The following HPSE variants were observed in gnomAD, a reference collection of about 807,000 sequenced individuals.
HPSE encodes heparanase, also known as endo-glucoronidase.
A neutral mutation model predicts 65.1 loss-of-function variants in HPSE; 48 were observed. The observed-to-expected ratio is 0.74, with a 90% CI of 0.58 to 0.94. HPSE has a LOEUF of 0.94. Among genes scored for constraint, HPSE ranks in the 40% least tolerant of loss-of-function variants. The pLI, the probability that HPSE is intolerant of heterozygous loss-of-function variation, is 0.00. For missense variants in HPSE, 644 were observed against 637.5 expected (o/e 1.01, Z -0.11); for synonymous variants, 243 against 260.0 (o/e 0.93, Z 0.63).
chr4:83,295,856 T>G (rs564531709), intron 11 of HPSE, among the ~76,000 whole-genome samples: 1 of 152,190 alleles, frequency 6.6e-6, no homozygotes, highest in East Asian at 1.9e-4. Flanking sequence ...GCTATTTTAT[T>G]TAATGGCCAA....
In HPSE at chr4:83,306,461, G is replaced by A. The variant is rs542813491; in HGVS notation, c.1092-144C>T. ...GACAGGGTCTCACTCTGTCACCCAGGCTGGAGTGCAGTGGCGTGATCATAG... is the reference window on the plus strand; with the variant it reads ...GACAGGGTCTCACTCTGTCACCCAGACTGGAGTGCAGTGGCGTGATCATAG... On this transcript the variant is annotated intron_variant, in intron 8 of 11. Transcript: ENST00000311412. The A allele has an allele frequency of 3.9e-4, 210 of 532,800 alleles. 1 individual carries two copies. The highest frequency in any genetic ancestry group is 3.1e-3 in the African/African-American group (162 of 51,866). 33.0% of individuals were successfully genotyped at this position (532,800 alleles called of 1,614,324 possible). A position where few individuals can be genotyped will look rare whatever the true frequency, so the allele number is the denominator to read the frequency against.
At chr4:83,331,700 G>A (rs1385596925) in intron 1 of HPSE, among the ~76,000 whole-genome samples, 5 of 152,176 alleles carry the variant, frequency 3.3e-5, no homozygotes, top group South Asian at 2.1e-4. Flanking sequence ...CTAGAACCAC[G>A]CCAGTGACTA....
chr4:83,304,481 C>T (rs1363879318), intron 9 of HPSE, among the ~76,000 whole-genome samples: 1 of 152,032 alleles, frequency 6.6e-6, no homozygotes, highest in African/African-American at 2.4e-5. Context: ...ATATACTTTC[C>T]TCTGTATTTT....
rs1383462165 is a variant in HPSE, at chr4:83,334,744, C to T, written c.39G>A (p.Leu13=). 1 of 1,556,394 alleles carries T rather than the reference C, an allele frequency of 6.4e-7. No homozygotes were observed. Among genetic ancestry groups the T allele is most frequent in the South Asian group, 1.2e-5 (1 of 84,514 alleles). Residue 13 remains leucine, a synonymous_variant, in exon 1 of 12, where the codon CTG becomes CTA. Transcript: ENST00000311412. The stretch of plus-strand genomic sequence containing the variant: ...CCAGCGGCCCCAGGAGCAGCAGCAT[C>T]AGCGGCGGCGGCAGCGCAGGCTTCG... ...LRSKPALPPP[L]MLLLLGPLGP...
chr4:83,301,006 C>T lies in HPSE; in HGVS notation c.1426G>A (p.Asp476Asn), dbSNP rs1735926433. ...LPYPFSNKQV[D>N]KYLLRPLGPH... ...CCCAAAGGTCTTAGAAGGTATTTAT[C>T]CACTTGCTTGTTAGAAAAAGGATAG... Residue 476 changes from aspartate to asparagine, a missense_variant, in exon 11 of 12, where the codon GAT (aspartate) becomes AAT (asparagine). Coordinates refer to ENST00000311412, the MANE Select transcript of HPSE (RefSeq NM_001098540.3). 1.9e-6 allele frequency: 3 copies of T among 1,609,218 alleles called. No individual in the cohort carries two copies. Among genetic ancestry groups the T allele is most frequent in the Non-Finnish European group, 2.5e-6 (3 of 1,176,650 alleles).
rs369861975 is a variant in HPSE, at chr4:83,308,958, A to T, written c.985-7T>A. On this transcript the variant is annotated splice_region_variant and splice_polypyrimidine_tract_variant and intron_variant, in intron 7 of 11. Coordinates refer to ENST00000311412, the MANE Select transcript of HPSE (RefSeq NM_001098540.3). ...GCCTGGTGCTCTCAACCACCTATAG[A>T]ACAGAAAAGTATCCATGGTAATTGC... 1.8e-5 allele frequency: 29 copies of T among 1,611,774 alleles called. No homozygotes were observed. Among genetic ancestry groups the T allele is most frequent in the Non-Finnish European group, 2.4e-5 (28 of 1,178,136 alleles).
intron 2 of HPSE, among the ~76,000 whole-genome samples, chr4:83,321,215 C>CA (rs1357379028): frequency 3.3e-5 from 5 of 151,904 alleles, no homozygotes; most frequent in Non-Finnish European, 7.4e-5. Flanking sequence ...GCCCCCAAAA[C>CA]AAAAAACAAA....
rs1214799326 is a variant in HPSE at position 83,319,460 on chromosome 4, T to G, written c.383A>C (p.Lys128Thr). 6.2e-7 allele frequency: 1 copy of G among 1,613,710 alleles called. No individual in the cohort carries two copies. The highest frequency in any genetic ancestry group is 8.5e-7 in the Non-Finnish European group (1 of 1,179,770). ...CACATCAGGAGGGATGGATCCATAT[T>G]TGCAAATATCTGCAAGTGGAAGAGA... ...WQSQVNQDIC[K>T]YGSIPPDVEE... The change falls in exon 3 of 12, where the codon AAA (lysine) becomes ACA (threonine). Residue 128 changes from lysine (K) to threonine (T), a missense_variant. By Grantham distance (78) the Lys-to-Thr change is moderately conservative. Transcript: ENST00000311412.
At chr4:83,316,297 G>A (rs1271469995) in intron 3 of HPSE, among the ~76,000 whole-genome samples, 1 of 150,416 alleles carries the variant, frequency 6.6e-6, no homozygotes, top group Non-Finnish European at 1.5e-5. Context: ...AAAGTGCTGG[G>A]ATTACAGGCG....
chr4:83,312,033 C>T (rs932269041), intron 4 of HPSE, among the ~76,000 whole-genome samples: 1 of 152,044 alleles, frequency 6.6e-6, no homozygotes, highest in Non-Finnish European at 1.5e-5. Context: ...AGTTCTAGAC[C>T]GTTTGGGCAG....
At chr4:83,298,100 A>C (rs1735799385) in intron 11 of HPSE, among the ~76,000 whole-genome samples, 1 of 152,202 alleles carries the variant, frequency 6.6e-6, no homozygotes, top group Non-Finnish European at 1.5e-5. Context: ...TATCAAGGGT[A>C]AGCTTAATGT....
At chr4:83,302,317 T>C (rs1438088486) in intron 9 of HPSE, 49 bp from the exon 10 acceptor site, 1 of 1,142,694 alleles carries the variant, frequency 8.8e-7, no homozygotes, top group Non-Finnish European at 1.3e-6. Flanking sequence ...TGTTTACTTA[T>C]GTCCTTATTT....
chr4:83,302,658 A>C (rs1560504930), intron 9 of HPSE, among the ~76,000 whole-genome samples: 1 of 152,190 alleles, frequency 6.6e-6, no homozygotes. Flanking sequence ...TTTAAAGTAA[A>C]ACTTCTGTCT....
chr4:83,295,607 G>A (rs1431150298), intron 11 of HPSE, 104 bp from the exon 12 acceptor site: 13 of 817,412 alleles, frequency 1.6e-5, no homozygotes, highest in Non-Finnish European at 2.4e-5. Flanking sequence ...ATTTTTTTTT[G>A]TGGCAGCCTA....
Position 83,319,604 on chromosome 4 carries a change from G to A in HPSE, c.374-135C>T, listed in dbSNP as rs927530680. On this transcript the variant is annotated intron_variant, in intron 2 of 11. Coordinates refer to ENST00000311412, the MANE Select transcript of HPSE (RefSeq NM_001098540.3). ...TCTGGTTATGAGGTAGGAGAGCAGAGAAAAGGTATATTCTGTAACACATGT... is the reference window on the plus strand; with the variant it reads ...TCTGGTTATGAGGTAGGAGAGCAGAAAAAAGGTATATTCTGTAACACATGT... The A allele has an allele frequency of 6.9e-6, 6 of 864,356 alleles. No individual in the cohort carries two copies. The Admixed American group carries it at 8.3e-5, about 12-fold the overall frequency. The allele number at this position is 864,356 out of a possible 1,614,324, so 53.5% of individuals were successfully genotyped here.
At chr4:83,334,314 AC>A (rs1737522285) in intron 1 of HPSE, among the ~76,000 whole-genome samples, 1 of 152,184 alleles carries the variant, frequency 6.6e-6, no homozygotes, top group South Asian at 2.1e-4. Context: ...TACCCATGGA[AC>A]AGAACTGCAC....
At chr4:83,329,426 T>A (rs189499787) in intron 1 of HPSE, among the ~76,000 whole-genome samples, 55 of 151,882 alleles carry the variant, frequency 3.6e-4, no homozygotes, top group African/African-American at 1.3e-3. Context: ...ATTACAAGAG[T>A]GGTTCACATG....
chr4:83,328,018 A>G (rs1737215672), intron 1 of HPSE, among the ~76,000 whole-genome samples: 1 of 152,212 alleles, frequency 6.6e-6, no homozygotes, highest in South Asian at 2.1e-4. Flanking sequence ...AGAGAGATGG[A>G]GAGGAATTGT....
In HPSE at chr4:83,326,549, T is replaced by G. The variant is rs1368635160; in HGVS notation, c.228-4185A>C. ...CCAATGGAACACCAAAAAACATACT[T>G]CCATCCATCAGGCGCTTCGCCCTGT... On this transcript the variant is annotated intron_variant, in intron 1 of 11. Transcript: ENST00000311412. The surrounding 1 kb of genome is among the most constrained non-coding windows in gnomAD (Gnocchi z 4.2). 1.3e-5 allele frequency among the ~76,000 whole-genome samples: 2 copies of G among 152,166 alleles called. No homozygotes were observed. Among genetic ancestry groups the G allele is most frequent in the East Asian group, 1.9e-4 (1 of 5,186 alleles).
Sources: gnomAD v4.1 joint callset for allele counts (sites outside exome capture counted in the v4.1 genomes callset) on GRCh38, gnomAD v4.1.1 for gene constraint, Gnocchi (gnomAD v3.1) non-coding constraint, MANE v1.5 for transcripts, NCBI Gene and HGNC (gene_info 2026-07-23, HGNC 2026-07-21) for gene names.